The following MAMDC2 variants were observed in gnomAD, a reference collection of about 807,000 sequenced individuals.
MAMDC2 encodes MAM domain-containing protein 2.
MAMDC2 carries 57 observed loss-of-function variants against 89.8 expected under a neutral mutation model. The ratio of observed to expected loss-of-function variants is 0.63; its 90% CI spans 0.51 to 0.79. MAMDC2 has a LOEUF of 0.79. MAMDC2 is among the 30% of genes least tolerant of loss of function. The probability of loss-of-function intolerance (pLI) is 0.00; values close to 1 mark genes in which losing one functional copy is unlikely to be tolerated. For synonymous variants in MAMDC2, 313 were observed against 293.4 expected, an observed-to-expected ratio of 1.07 and a Z score of -0.68; for missense variants, 800 against 820.6, an observed-to-expected ratio of 0.97 and a Z score of 0.31.
intron 5 of MAMDC2, among the ~76,000 whole-genome samples, chr9:70,122,541 G>A (rs1343529659): frequency 2.6e-5 from 4 of 152,186 alleles, no homozygotes; most frequent in Non-Finnish European, 4.4e-5. Context: ...AAGGCTCTGA[G>A]GAGAAAGGAG....
chr9:70,059,645 G>A (rs781213326), intron 2 of MAMDC2, among the ~76,000 whole-genome samples: 5 of 152,172 alleles, frequency 3.3e-5, no homozygotes, highest in Middle Eastern at 3.2e-3. Flanking sequence ...ATAAAGTACA[G>A]GTAGAGAGAA....
At chr9:70,212,333 G>A (rs986600374) in intron 11 of MAMDC2, among the ~76,000 whole-genome samples, 1 of 152,244 alleles carries the variant, frequency 6.6e-6, no homozygotes, top group Non-Finnish European at 1.5e-5. Context: ...AATGGCAGAT[G>A]CCCCTTCCCC....
At chr9:70,138,765 T>C (rs904180200) in intron 7 of MAMDC2, among the ~76,000 whole-genome samples, 1 of 152,078 alleles carries the variant, frequency 6.6e-6, no homozygotes, top group Non-Finnish European at 1.5e-5. Context: ...TAGAACAGGG[T>C]AAATAATACC....
intron 5 of MAMDC2, among the ~76,000 whole-genome samples, chr9:70,117,730 G>A (rs1230121762): frequency 6.6e-6 from 1 of 152,044 alleles, no homozygotes; most frequent in East Asian, 1.9e-4. Context: ...CCTTGTATGG[G>A]ACACAAAGGT....
chr9:70,126,831 T>G (rs918166722), intron 6 of MAMDC2, among the ~76,000 whole-genome samples: 9 of 152,118 alleles, frequency 5.9e-5, no homozygotes, highest in African/African-American at 1.7e-4. Flanking sequence ...GAACTGTTTT[T>G]TTTTTTTTTT....
intron 11 of MAMDC2, among the ~76,000 whole-genome samples, chr9:70,183,980 G>A (rs1364008845): frequency 2.6e-5 from 4 of 152,146 alleles, no homozygotes; most frequent in Non-Finnish European, 4.4e-5. Flanking sequence ...TAGTGTTGAT[G>A]TTCTTTACAA....
intron 9 of MAMDC2, among the ~76,000 whole-genome samples, chr9:70,155,907 C>T (rs2031746774): frequency 6.6e-6 from 1 of 152,248 alleles, no homozygotes; most frequent in African/African-American, 2.4e-5. Context: ...AAGTCATTGA[C>T]TTGGGTTTTA....
At chr9:70,171,053 C>T (rs1157362866) in intron 11 of MAMDC2, 1 of 168,924 alleles carries the variant, frequency 5.9e-6, no homozygotes, top group African/African-American at 2.4e-5. Context: ...AAACATGATT[C>T]ACAGAATGAG....
chr9:70,046,813 A>G (rs1317207915), intron 2 of MAMDC2, among the ~76,000 whole-genome samples: 1 of 152,150 alleles, frequency 6.6e-6, no homozygotes, highest in African/African-American at 2.4e-5. Context: ...AAGTTAATTC[A>G]TTCTCCTCTG....
intron 2 of MAMDC2, among the ~76,000 whole-genome samples, chr9:70,085,222 G>A (rs1448538001): frequency 6.6e-6 from 1 of 151,954 alleles, no homozygotes; most frequent in Admixed American, 6.6e-5. Context: ...ACTCTCCTCA[G>A]TATTACCATC....
chr9:70,210,298 G>T (rs1396136360), intron 11 of MAMDC2, among the ~76,000 whole-genome samples: 6 of 151,986 alleles, frequency 3.9e-5, no homozygotes, highest in Admixed American at 6.5e-5. Context: ...CTAAGGACTT[G>T]CTTTATGAAT....
chr9:70,096,318 G>A (rs985558483), intron 2 of MAMDC2, among the ~76,000 whole-genome samples: 2 of 152,184 alleles, frequency 1.3e-5, no homozygotes, highest in African/African-American at 4.8e-5. Context: ...GCACCAGTCT[G>A]GGACTTTAAA....
At chr9:70,113,486 C>A (rs1331900169) in intron 5 of MAMDC2, among the ~76,000 whole-genome samples, 1 of 152,088 alleles carries the variant, frequency 6.6e-6, no homozygotes, top group Non-Finnish European at 1.5e-5. Context: ...CTGGAAAAAT[C>A]CTAGGTTACT....
intron 5 of MAMDC2, 149 bp from the exon 6 acceptor site, chr9:70,126,010 C>G (rs2030519859): frequency 2.4e-6 from 2 of 835,112 alleles, no homozygotes; most frequent in Non-Finnish European, 1.8e-6. Flanking sequence ...CCACTCATGG[C>G]CAAACCTCTG....
intron 11 of MAMDC2, among the ~76,000 whole-genome samples, chr9:70,199,209 C>T: frequency 2.9e-5 from 1 of 34,336 alleles, no homozygotes; most frequent in Non-Finnish European, 5.9e-5. Flanking sequence ...CCTCCCCCCA[C>T]CCCACCACAG....
At chr9:70,212,162 C>A (rs1341762876) in intron 11 of MAMDC2, among the ~76,000 whole-genome samples, 3 of 152,244 alleles carry the variant, frequency 2.0e-5, no homozygotes, top group Non-Finnish European at 2.9e-5. Flanking sequence ...AGCTGTCAGA[C>A]AGGGACGTTT....
At chr9:70,109,669 A>G in intron 3 of MAMDC2, 51 bp from the exon 4 acceptor site, 1 of 1,432,936 alleles carries the variant, frequency 7.0e-7, no homozygotes, top group East Asian at 2.3e-5. Context: ...TGAACCAAGG[A>G]AACATGATGT....
intron 9 of MAMDC2, among the ~76,000 whole-genome samples, chr9:70,157,283 GA>G (rs1341647838): frequency 1.3e-5 from 2 of 152,140 alleles, no homozygotes; most frequent in African/African-American, 4.8e-5. Context: ...ATTCTCTGGG[GA>G]TCCTCTGGTT....
At chr9:70,130,492 A>C (rs1489537965) in intron 6 of MAMDC2, among the ~76,000 whole-genome samples, 1 of 152,180 alleles carries the variant, frequency 6.6e-6, no homozygotes, top group East Asian at 1.9e-4. Flanking sequence ...TTTCCAGCAC[A>C]GGTGAAGGCT....
Sources: gnomAD v4.1 joint callset for allele counts (sites outside exome capture counted in the v4.1 genomes callset) on GRCh38, gnomAD v4.1.1 for gene constraint, MANE v1.5 for transcripts, NCBI Gene and HGNC (gene_info 2026-07-23, HGNC 2026-07-21) for gene names.